Variants in CNTN5 observed in about 807,000 individuals in gnomAD.
CNTN5 encodes contactin 5.
In CNTN5, 77 loss-of-function variants were observed where a neutral mutation model predicts 129.1. The ratio of observed to expected loss-of-function variants is 0.60; its 90% CI spans 0.50 to 0.72. The LOEUF is 0.72. CNTN5 is among the 30% of genes least tolerant of loss of function. The pLI, the probability that CNTN5 is intolerant of heterozygous loss-of-function variation, is 0.00. For missense variants in CNTN5, 1,478 were observed against 1,328.8 expected (o/e 1.11, Z -1.75); for synonymous variants, 509 against 465.6 (o/e 1.09, Z -1.20).
chr11:99,312,591 C>A (rs1412024597), intron 1 of CNTN5, among the ~76,000 whole-genome samples: 1 of 152,096 alleles, frequency 6.6e-6, no homozygotes, highest in Non-Finnish European at 1.5e-5. Flanking sequence ...TCTATTCAGT[C>A]TCTCTATGCC....
At chr11:99,247,596 T>A (rs1227183430) in intron 1 of CNTN5, among the ~76,000 whole-genome samples, 1 of 150,968 alleles carries the variant, frequency 6.6e-6, no homozygotes, top group East Asian at 2.0e-4. Context: ...TATCTCCTAA[T>A]GCTATCCCTC....
At chr11:99,972,179 T>G (rs1241878234) in intron 8 of CNTN5, among the ~76,000 whole-genome samples, 3 of 150,586 alleles carry the variant, frequency 2.0e-5, no homozygotes, top group Non-Finnish European at 2.9e-5. Context: ...GAGAATGGCG[T>G]GAACCCGGGA....
intron 3 of CNTN5, among the ~76,000 whole-genome samples, chr11:99,696,250 T>C (rs892649671): frequency 1.3e-5 from 2 of 152,098 alleles, no homozygotes; most frequent in African/African-American, 4.8e-5. Flanking sequence ...TCCTTACATG[T>C]CTATGAGGAA....
At chr11:99,680,538 G>GA (rs982401569) in intron 3 of CNTN5, among the ~76,000 whole-genome samples, 2 of 151,494 alleles carry the variant, frequency 1.3e-5, no homozygotes, top group Non-Finnish European at 2.9e-5. Flanking sequence ...TTAATGCTCA[G>GA]AAAAAAAGAC....
At chr11:99,081,927 A>G (rs1865817002) in intron 1 of CNTN5, among the ~76,000 whole-genome samples, 1 of 152,196 alleles carries the variant, frequency 6.6e-6, no homozygotes, top group African/African-American at 2.4e-5. Flanking sequence ...TCATTTTATT[A>G]AACTAAAATG....
At chr11:99,274,118 T>C (rs1388359815) in intron 1 of CNTN5, among the ~76,000 whole-genome samples, 2 of 151,770 alleles carry the variant, frequency 1.3e-5, no homozygotes, top group East Asian at 3.9e-4. Context: ...TGTGCAGATA[T>C]GTCAAACATT....
intron 6 of CNTN5, among the ~76,000 whole-genome samples, chr11:99,864,983 A>T (rs1948315668): frequency 6.6e-6 from 1 of 152,228 alleles, no homozygotes; most frequent in Non-Finnish European, 1.5e-5. Flanking sequence ...CATTAAATTA[A>T]TAAGTGGATA....
intron 2 of CNTN5, among the ~76,000 whole-genome samples, chr11:99,529,362 G>A (rs1327702512): frequency 6.6e-6 from 1 of 152,166 alleles, no homozygotes; most frequent in African/African-American, 2.4e-5. Context: ...TCTACCCCTT[G>A]TCAACTTGGC....
At chr11:99,113,906 C>T (rs1206691513) in intron 1 of CNTN5, among the ~76,000 whole-genome samples, 1 of 152,158 alleles carries the variant, frequency 6.6e-6, no homozygotes, top group African/African-American at 2.4e-5. Context: ...CCTAAGAATA[C>T]TAAGTTTTAG....
At chr11:99,053,182 T>C (rs972158154) in intron 1 of CNTN5, among the ~76,000 whole-genome samples, 1 of 151,916 alleles carries the variant, frequency 6.6e-6, no homozygotes, top group African/African-American at 2.4e-5. Flanking sequence ...TCTAAAAAAG[T>C]AATGACAGAG....
chr11:99,254,304 A>T (rs781169341), intron 1 of CNTN5, among the ~76,000 whole-genome samples: 1 of 152,012 alleles, frequency 6.6e-6, no homozygotes, highest in Non-Finnish European at 1.5e-5. Context: ...ACTGAATAAC[A>T]TGAATATTCA....
At chr11:99,099,554 A>G (rs1294459608) in intron 1 of CNTN5, among the ~76,000 whole-genome samples, 1 of 42,268 alleles carries the variant, frequency 2.4e-5, no homozygotes, top group Non-Finnish European at 4.4e-5. Context: ...GTGTATACAC[A>G]CACACACACA....
chr11:99,926,531 A>G (rs1011713333), intron 7 of CNTN5, among the ~76,000 whole-genome samples: 6 of 152,204 alleles, frequency 3.9e-5, no homozygotes, highest in Non-Finnish European at 8.8e-5. Flanking sequence ...TTTACATTAT[A>G]CAATGTAAAT....
chr11:99,352,086 T>C (rs925751784), intron 2 of CNTN5, among the ~76,000 whole-genome samples: 6 of 152,206 alleles, frequency 3.9e-5, no homozygotes, highest in African/African-American at 1.4e-4. Flanking sequence ...TGCCCAGCAT[T>C]GAATGAAACT....
intron 1 of CNTN5, among the ~76,000 whole-genome samples, chr11:99,250,092 G>A (rs1862023875): frequency 6.6e-6 from 1 of 151,856 alleles, no homozygotes; most frequent in Non-Finnish European, 1.5e-5. Flanking sequence ...TTCTCAATAG[G>A]CATCAAATCA....
At chr11:100,235,338 A>G (rs781246726) in intron 16 of CNTN5, among the ~76,000 whole-genome samples, 1 of 152,132 alleles carries the variant, frequency 6.6e-6, no homozygotes, top group Non-Finnish European at 1.5e-5. Context: ...AGTCAGAGTG[A>G]TGGAGAAACT....
At chr11:99,533,081 T>G (rs2453264) in intron 2 of CNTN5, among the ~76,000 whole-genome samples, 127,592 of 152,138 alleles carry the variant, frequency 0.84, 54,375 homozygotes, top group Middle Eastern at 0.93. Context: ...AAATTAGCCA[T>G]GTATAGTGAA....
In CNTN5 at chr11:99,159,366, T is replaced by C. The variant is rs181857282; in HGVS notation, c.-210+138096T>C. On this transcript the variant is annotated intron_variant, in intron 1 of 24. Transcript: ENST00000524871. The stretch of plus-strand genomic sequence containing the variant: ...TGCCGGGTGCAGTGGCTCACGCCTG[T>C]AGTCCCAGCACTTTGGGAGGCTGAG... 1.4e-3 allele frequency among the ~76,000 whole-genome samples: 208 copies of C among 152,296 alleles called. 1 individual carries two copies. Among genetic ancestry groups the C allele is most frequent in the African/African-American group, 5.0e-3 (206 of 41,540 alleles).
intron 6 of CNTN5, among the ~76,000 whole-genome samples, chr11:99,855,404 G>A (rs967223778): frequency 6.6e-6 from 1 of 152,078 alleles, no homozygotes; most frequent in Non-Finnish European, 1.5e-5. Context: ...ATAATCCAAG[G>A]CAAACCATTT....
Sources: allele counts gnomAD v4.1 joint callset (sites outside exome capture counted in the v4.1 genomes callset), GRCh38; gene constraint gnomAD v4.1.1; transcripts MANE v1.5; gene names NCBI Gene and HGNC (gene_info 2026-07-23, HGNC 2026-07-21).